Variants in FBXL12 observed in about 807,000 individuals in gnomAD.
The protein encoded by FBXL12 is F-box/LRR-repeat protein 12.
In FBXL12, 22 loss-of-function variants were observed where a neutral mutation model predicts 24.9. The ratio of observed to expected loss-of-function variants is 0.88; its 90% CI spans 0.63 to 1.26. FBXL12 has a LOEUF of 1.26. Ranked by LOEUF, FBXL12 falls within the 50% of genes most tolerant of loss-of-function variation. The probability of loss-of-function intolerance (pLI) is 0.00; values close to 1 mark genes in which losing one functional copy is unlikely to be tolerated. For synonymous variants in FBXL12, 193 were observed against 193.8 expected (o/e 1.00, Z 0.03); for missense variants, 384 against 434.1 (o/e 0.88, Z 1.03).
chr19:9,810,894 AG>A lies in FBXL12; in HGVS notation c.*1del. 6.4e-7 allele frequency: 1 copy of A among 1,570,944 alleles called. No homozygotes were observed. Among genetic ancestry groups the A allele is most frequent in the East Asian group, 2.3e-5 (1 of 44,000 alleles). On this transcript the variant is annotated 3_prime_UTR_variant, in exon 3 of 3. Coordinates refer to ENST00000247977, the MANE Select transcript of FBXL12 (RefSeq NM_017703.3). ...GATGGGTCCCAAGGGCAGGTGGAGT[AG>A]TTACATCCACCAGTCCATAGACTCT...
intron 2 of FBXL12, among the ~76,000 whole-genome samples, chr19:9,817,800 T>C (rs2045914013): frequency 6.6e-6 from 1 of 152,222 alleles, no homozygotes; most frequent in African/African-American, 2.4e-5. Context: ...AATACATTAC[T>C]AACACTATAA....
chr19:9,814,904 G>T (rs2045846974), intron 2 of FBXL12, among the ~76,000 whole-genome samples: 1 of 149,754 alleles, frequency 6.7e-6, no homozygotes, highest in Admixed American at 6.6e-5. Flanking sequence ...ATTTGGGTGG[G>T]GACACAGCCA....
At position 9,818,927 on chromosome 19, in the gene FBXL12, T is replaced by C; in HGVS notation, c.-114A>G. The C allele has an allele frequency of 1.0e-6, 1 of 980,964 alleles. No homozygotes were observed. The highest frequency in any genetic ancestry group is 1.5e-6 in the Non-Finnish European group (1 of 660,172). 60.8% of individuals were successfully genotyped at this position (980,964 alleles called of 1,614,324 possible). On this transcript the variant is annotated 5_prime_UTR_variant, in exon 1 of 3. Transcript: ENST00000247977. Reference sequence around the variant, plus strand: ...ACCTTCCCGTAGCCGGTCGAGAAATTTGACCTTCCTCTCGCTGGGAAGTGA... The same window carrying C: ...ACCTTCCCGTAGCCGGTCGAGAAATCTGACCTTCCTCTCGCTGGGAAGTGA...
chr19:9,811,163 C>T lies in FBXL12; in HGVS notation c.714G>A (p.Arg238=). Residue 238 remains arginine, a synonymous_variant, in exon 3 of 3, where the codon AGG becomes AGA. Coordinates refer to ENST00000247977, the MANE Select transcript of FBXL12 (RefSeq NM_017703.3). This position sits in a 1 kb window ranked among gnomAD's most constrained non-coding sequence, Gnocchi z 6.0. The part of the protein sequence containing the change: ...RDVRKIRLTV[R]GLSAPGLAVL... The stretch of plus-strand genomic sequence containing the variant: ...CAGCCAGGCCAGGGGCAGAGAGGCC[C>T]CTCACGGTCAGCCGGATCTTGCGCA... 1 of 1,607,698 alleles carries T rather than the reference C, an allele frequency of 6.2e-7. No homozygotes were observed. Among genetic ancestry groups the T allele is most frequent in the Non-Finnish European group, 8.5e-7 (1 of 1,174,812 alleles).
intron 2 of FBXL12, among the ~76,000 whole-genome samples, chr19:9,812,942 G>A (rs1382009746): frequency 6.6e-6 from 1 of 151,810 alleles, no homozygotes; most frequent in Non-Finnish European, 1.5e-5. Flanking sequence ...GTGTGGTGGT[G>A]CACGCCTGTA....
chr19:9,818,669 A>C (rs1432416289), intron 1 of FBXL12, 52 bp from the exon 2 acceptor site: 1 of 1,545,434 alleles, frequency 6.5e-7, no homozygotes, highest in Non-Finnish European at 8.8e-7. Flanking sequence ...GCCACATCGC[A>C]TCTCCAGGTG....
chr19:9,817,832 T>C (rs1307757555), intron 2 of FBXL12, among the ~76,000 whole-genome samples: 1 of 152,130 alleles, frequency 6.6e-6, no homozygotes, highest in Non-Finnish European at 1.5e-5. Context: ...CACACACATA[T>C]GAAGTAACGT....
intron 2 of FBXL12, among the ~76,000 whole-genome samples, chr19:9,817,350 G>T (rs557173519): frequency 8.3e-4 from 126 of 152,240 alleles, no homozygotes; most frequent in African/African-American, 3.0e-3. Flanking sequence ...TTTTGACAGA[G>T]GAATCAAATC....
chr19:9,818,845 T>C lies in FBXL12; in HGVS notation c.-32A>G. 6.5e-7 allele frequency: 1 copy of C among 1,538,106 alleles called. No homozygotes were observed. ...GCCGACACGCACTTCCGCTTCCGGT[T>C]AAAGAGACCCGAGGGGTCCTGGGGG... On this transcript the variant is annotated 5_prime_UTR_variant, in exon 1 of 3. Transcript: ENST00000247977.
In FBXL12 at chr19:9,810,880, A is replaced by G. The variant is rs1469322969; in HGVS notation, c.*16T>C. On this transcript the variant is annotated 3_prime_UTR_variant, in exon 3 of 3. Coordinates refer to ENST00000247977, the MANE Select transcript of FBXL12 (RefSeq NM_017703.3). ...ATGATGAAAACTGGGATGGGTCCCA[A>G]GGGCAGGTGGAGTAGTTACATCCAC... The G allele has an allele frequency of 5.8e-6, 9 of 1,559,104 alleles. No homozygotes were observed. Among genetic ancestry groups the G allele is most frequent in the Non-Finnish European group, 7.9e-6 (9 of 1,143,966 alleles).
Position 9,811,842 on chromosome 19 carries a change from C to G in FBXL12, c.160-125G>C, listed in dbSNP as rs915332168. The G allele has an allele frequency of 2.7e-5, 20 of 753,418 alleles. No individual in the cohort carries two copies. Among genetic ancestry groups the G allele is most frequent in the Non-Finnish European group, 5.8e-6 (3 of 513,564 alleles). The allele number at this position is 753,418 out of a possible 1,614,324, so 46.7% of individuals were successfully genotyped here. ...TGCCCTGCTGGGCTTCTGCCCTTGC[C>G]TAGCCAGTCTCCTCCCCAGGTTCAA... is the stretch of plus-strand genomic sequence containing the variant. On this transcript the variant is annotated intron_variant, in intron 2 of 2. Coordinates refer to ENST00000247977, the MANE Select transcript of FBXL12 (RefSeq NM_017703.3). This position sits in a 1 kb window ranked among gnomAD's most constrained non-coding sequence, Gnocchi z 6.0.
intron 2 of FBXL12, among the ~76,000 whole-genome samples, chr19:9,812,565 G>A (rs1452607149): frequency 2.0e-5 from 3 of 147,444 alleles, no homozygotes; most frequent in African/African-American, 5.0e-5. Flanking sequence ...AGATAAATCT[G>A]GTAGGGGAAA....
intron 2 of FBXL12, chr19:9,813,435 A>C: frequency 2.9e-6 from 1 of 350,562 alleles, no homozygotes; most frequent in Non-Finnish European, 5.0e-6. Flanking sequence ...TCCTGGGTTC[A>C]AGCGATTCTC....
intron 2 of FBXL12, among the ~76,000 whole-genome samples, chr19:9,815,535 C>T (rs1048885008): frequency 6.6e-6 from 1 of 152,228 alleles, no homozygotes; most frequent in African/African-American, 2.4e-5. Context: ...CATTTCCCTT[C>T]CACACTGCCC....
In FBXL12 at chr19:9,811,477, A is replaced by G. The variant is rs2045750598; in HGVS notation, c.400T>C (p.Cys134Arg). 1.2e-6 allele frequency: 2 copies of G among 1,613,832 alleles called. No individual in the cohort carries two copies. The highest frequency in any genetic ancestry group is 1.7e-6 in the Non-Finnish European group (2 of 1,179,946). The part of the protein sequence containing the change: ...STLRTLELHS[C>R]EISMAWLHKQ... Reference sequence around the variant, plus strand: ...TGGAGCCAGGCCATGGAGATCTCGCAGCTGTGCAGCTCCAGGGTCCTCAAG... The same window carrying G: ...TGGAGCCAGGCCATGGAGATCTCGCGGCTGTGCAGCTCCAGGGTCCTCAAG... The change falls in exon 3 of 3, where the codon TGC becomes CGC. Residue 134 changes from cysteine to arginine, a missense_variant. Transcript: ENST00000247977. The surrounding 1 kb of genome is among the most constrained non-coding windows in gnomAD (Gnocchi z 6.0).
intron 2 of FBXL12, chr19:9,818,280 GCCCTTT>G: frequency 1.8e-6 from 1 of 556,944 alleles, no homozygotes; most frequent in Non-Finnish European, 3.2e-6. Context: ...ACTGTTCTAA[GCCCTTT>G]CCCTGCGTGA....
At chr19:9,818,122 G>A (rs909692619) in intron 2 of FBXL12, 1 of 396,496 alleles carries the variant, frequency 2.5e-6, no homozygotes, top group East Asian at 3.6e-5. Context: ...TGATGCGAGA[G>A]GATCGCTTGA....
chr19:9,818,707 C>T (rs545599741), intron 1 of FBXL12, 21 bp downstream of exon 1: 184 of 1,543,730 alleles, frequency 1.2e-4, no homozygotes, highest in South Asian at 8.9e-4. Context: ...CCTGCCCTTC[C>T]CCCCGGAGGC....
At position 9,811,255 on chromosome 19, in the gene FBXL12, C is replaced by G. The variant is rs756230435; in HGVS notation, c.622G>C (p.Glu208Gln). The stretch of plus-strand genomic sequence containing the variant: ...GCAGACAGGGTGCAGCCCAGCACCT[C>G]AAGCCTCTGCAGATAGCTGAGCTCC... Reference protein sequence around the residue: ...LQELSYLQRLEVLGCTLSADS... With the variant: ...LQELSYLQRLQVLGCTLSADS... The change falls in exon 3 of 3, where the codon GAG (glutamate) becomes CAG (glutamine). Residue 208 changes from glutamate (E) to glutamine (Q), a missense_variant. Physicochemically the swap from Glu to Gln is conservative, Grantham distance 29. Coordinates refer to ENST00000247977, the MANE Select transcript of FBXL12 (RefSeq NM_017703.3). This position sits in a 1 kb window ranked among gnomAD's most constrained non-coding sequence, Gnocchi z 6.0. The G allele has an allele frequency of 3.7e-6, 6 of 1,611,542 alleles. No homozygotes were observed. Among genetic ancestry groups the G allele is most frequent in the Non-Finnish European group, 5.1e-6 (6 of 1,179,982 alleles).
Sources: gnomAD v4.1 joint callset for allele counts (sites outside exome capture counted in the v4.1 genomes callset) on GRCh38, gnomAD v4.1.1 for gene constraint, Gnocchi (gnomAD v3.1) non-coding constraint, MANE v1.5 for transcripts, NCBI Gene and HGNC (gene_info 2026-07-23, HGNC 2026-07-21) for gene names.